The following GALNT6 variants were observed in gnomAD, a reference collection of about 807,000 sequenced individuals.
GALNT6 encodes the protein GalNAc transferase 6.
A neutral mutation model predicts 65.9 loss-of-function variants in GALNT6; 51 were observed. The observed-to-expected ratio is 0.77, with a 90% CI of 0.62 to 0.98. The LOEUF (loss-of-function observed/expected upper bound fraction) is 0.98. Ranked by LOEUF, GALNT6 falls within the 50% of genes least tolerant of loss-of-function variation. The probability of loss-of-function intolerance (pLI) is 0.00; values close to 1 mark genes in which losing one functional copy is unlikely to be tolerated. For missense variants in GALNT6, 708 were observed against 803.3 expected (o/e 0.88, Z 1.43); for synonymous variants, 323 against 315.1 (o/e 1.02, Z -0.26).
chr12:51,354,910 G>T (rs1051773247), intron 11 of GALNT6, among the ~76,000 whole-genome samples: 5 of 152,132 alleles, frequency 3.3e-5, no homozygotes, highest in African/African-American at 1.2e-4. Flanking sequence ...GAGTAGGGAG[G>T]CTCACTTGGG....
chr12:51,359,424 C>T, intron 7 of GALNT6, 92 bp from the exon 8 acceptor site: 2 of 863,532 alleles, frequency 2.3e-6, no homozygotes, highest in Non-Finnish European at 3.6e-6. Context: ...GAGCACCAGA[C>T]CCCAGGTCCA....
chr12:51,369,638 G>A (rs926397339), intron 4 of GALNT6, among the ~76,000 whole-genome samples: 1 of 152,204 alleles, frequency 6.6e-6, no homozygotes, highest in South Asian at 2.1e-4. Flanking sequence ...ATCTTCACTT[G>A]GATGTGGAAC....
intron 2 of GALNT6, among the ~76,000 whole-genome samples, chr12:51,386,277 C>T (rs1947838049): frequency 6.6e-6 from 1 of 152,176 alleles, no homozygotes; most frequent in African/African-American, 2.4e-5. Flanking sequence ...AACTCCTAGA[C>T]CACTACTCTG....
At chr12:51,384,259 C>A (rs918684255) in intron 2 of GALNT6, among the ~76,000 whole-genome samples, 12 of 152,344 alleles carry the variant, frequency 7.9e-5, no homozygotes, top group African/African-American at 2.6e-4. Context: ...GGCCAGAACA[C>A]AAACTTACCT....
In GALNT6 at chr12:51,377,163, C is replaced by T. The variant is rs370354298; in HGVS notation, c.664+32G>A. The T allele has an allele frequency of 1.1e-4, 170 of 1,601,366 alleles. No homozygotes were observed. In the Admixed American group the frequency reaches 1.7e-3, roughly 16 times the overall value. On this transcript the variant is annotated intron_variant, in intron 4 of 11. Transcript: ENST00000356317. Reference sequence around the variant, plus strand: ...TCCTTTGAGTGCCCAGGGGAGACCCCGGCCCCCTCCTCTGGGCCCCTCCAG... The same window carrying T: ...TCCTTTGAGTGCCCAGGGGAGACCCTGGCCCCCTCCTCTGGGCCCCTCCAG...
At chr12:51,374,051 G>A (rs532290691) in intron 4 of GALNT6, among the ~76,000 whole-genome samples, 7 of 151,670 alleles carry the variant, frequency 4.6e-5, no homozygotes, top group Non-Finnish European at 1.0e-4. Context: ...ATAGAGATGG[G>A]GTCTTGTGAC....
chr12:51,370,949 G>C (rs900264047), intron 4 of GALNT6, among the ~76,000 whole-genome samples: 3 of 152,186 alleles, frequency 2.0e-5, no homozygotes, highest in African/African-American at 4.8e-5. Context: ...CCGTGAAGAT[G>C]ATACGTTTTA....
chr12:51,361,445 G>A (rs1053281709), intron 6 of GALNT6, among the ~76,000 whole-genome samples: 2 of 152,164 alleles, frequency 1.3e-5, no homozygotes, highest in Non-Finnish European at 2.9e-5. Context: ...GTAGATTTGG[G>A]GAGAAGTTGC....
At chr12:51,377,145 A>C (rs759640489) in intron 4 of GALNT6, 50 bp downstream of exon 4, 1 of 1,543,930 alleles carries the variant, frequency 6.5e-7, no homozygotes. Context: ...TCCTCCTTTG[A>C]GTGCCCAGGG....
chr12:51,369,857 G>A (rs1947231803), intron 4 of GALNT6, among the ~76,000 whole-genome samples: 1 of 152,120 alleles, frequency 6.6e-6, no homozygotes. Flanking sequence ...CACAGTCACT[G>A]CTTTTCTGCC....
At chr12:51,375,088 G>T (rs1947408454) in intron 4 of GALNT6, among the ~76,000 whole-genome samples, 1 of 152,024 alleles carries the variant, frequency 6.6e-6, no homozygotes, top group African/African-American at 2.4e-5. Context: ...TGTTGCCCAG[G>T]CTGTCTTGAA....
At chr12:51,385,338 A>C (rs1210027570) in intron 2 of GALNT6, among the ~76,000 whole-genome samples, 6 of 152,298 alleles carry the variant, frequency 3.9e-5, no homozygotes, top group South Asian at 2.1e-4. Flanking sequence ...TTAAAGATAC[A>C]CACTGCCTGA....
In GALNT6 at chr12:51,365,565, TCTC is replaced by T; in HGVS notation, c.676_678del (p.Glu226del). ...AGCTGCTTCACGTACTGCTCCAGCT[TCTC>T]CTTTAGGTGCTCTGGAAGGGACAGT... On this transcript the variant is annotated inframe_deletion, in exon 5 of 12. Transcript: ENST00000356317. 2 of 1,613,700 alleles carry T rather than the reference TCTC, an allele frequency of 1.2e-6. No homozygotes were observed. The highest frequency in any genetic ancestry group is 1.7e-6 in the Non-Finnish European group (2 of 1,179,884).
In GALNT6 at chr12:51,361,685, G is replaced by A. The variant is rs57575786; in HGVS notation, c.1050-847C>T. ...GCTTCGAAGAGGGACTGGGCTAAGC[G>A]TTAGGGTATCGAAGCGGACCCGGGG... On this transcript the variant is annotated intron_variant, in intron 6 of 11. Coordinates refer to ENST00000356317, the MANE Select transcript of GALNT6 (RefSeq NM_007210.4). Among the ~76,000 whole-genome samples the A allele has an allele frequency of 6.0e-3, 920 of 152,284 alleles. 11 individuals are homozygous for A. The highest frequency in any genetic ancestry group is 0.021 in the African/African-American group (859 of 41,562).
Position 51,357,427 on chromosome 12 carries a change from T to C in GALNT6, c.1524A>G (p.Gln508=). The part of the protein sequence containing the change: ...YGAIKNLGTN[Q]CLDVGENNRG... ...GGTTGTTCTCACCCACATCCAGGCA[T>C]TGGTTGGTGCCGAGGTTCTTGATCT... The change falls in exon 10 of 12, where the codon CAA becomes CAG. Residue 508 remains glutamine, a synonymous_variant. Coordinates refer to ENST00000356317, the MANE Select transcript of GALNT6 (RefSeq NM_007210.4). 6.2e-7 allele frequency: 1 copy of C among 1,613,740 alleles called. No homozygotes were observed. The highest frequency in any genetic ancestry group is 8.5e-7 in the Non-Finnish European group (1 of 1,179,686).
At chr12:51,358,307 T>G (rs200510223) in intron 8 of GALNT6, 46 bp from the exon 9 acceptor site, 30 of 1,581,728 alleles carry the variant, frequency 1.9e-5, no homozygotes, top group South Asian at 4.6e-5. Context: ...ACCAGTTTTT[T>G]TTTTTTTTTT....
intron 5 of GALNT6, 60 bp from the exon 6 acceptor site, chr12:51,364,415 C>T (rs1349781206): frequency 2.5e-6 from 3 of 1,208,752 alleles, no homozygotes; most frequent in Non-Finnish European, 3.7e-6. Flanking sequence ...GCCCAAGCTG[C>T]ATCCTGGAGG....
chr12:51,358,076 C>T lies in GALNT6; in HGVS notation c.1500+54G>A, dbSNP rs550035534. ...CATCTGTGGGGTCAGTGGTCTTGAA[C>T]TTCTCCAAGGGGTGCTGTGGTGATG... On this transcript the variant is annotated intron_variant, in intron 9 of 11. Coordinates refer to ENST00000356317, the MANE Select transcript of GALNT6 (RefSeq NM_007210.4). The T allele has an allele frequency of 4.3e-4, 678 of 1,562,310 alleles. 10 individuals carry two copies. The South Asian group carries it at 7.0e-3, about 16-fold the overall frequency.
chr12:51,356,204 G>A (rs1299398371), intron 10 of GALNT6, among the ~76,000 whole-genome samples: 1 of 150,914 alleles, frequency 6.6e-6, no homozygotes, highest in Non-Finnish European at 1.5e-5. Context: ...ATATGTATAT[G>A]TATATAAAAT....
Sources: gnomAD v4.1 joint callset for allele counts (sites outside exome capture counted in the v4.1 genomes callset) on GRCh38, gnomAD v4.1.1 for gene constraint, MANE v1.5 for transcripts, NCBI Gene and HGNC (gene_info 2026-07-23, HGNC 2026-07-21) for gene names.